The following STK3 variants were observed in gnomAD, a reference collection of about 807,000 sequenced individuals.
STK3 encodes the protein serine/threonine-protein kinase 3.
STK3 carries 41 observed loss-of-function variants against 58.0 expected under a neutral mutation model. The ratio of observed to expected loss-of-function variants is 0.71; its 90% CI spans 0.55 to 0.92. STK3 has a LOEUF of 0.92. Among genes scored for constraint, STK3 ranks in the 40% least tolerant of loss-of-function variants. STK3 has a pLI of 0.00. For synonymous variants in STK3, 170 were observed against 191.0 expected, an observed-to-expected ratio of 0.89 and a Z score of 0.91; for missense variants, 479 against 602.7, an observed-to-expected ratio of 0.79 and a Z score of 2.15.
intron 1 of STK3, among the ~76,000 whole-genome samples, chr8:98,938,346 G>C (rs1840271164): frequency 1.3e-5 from 2 of 152,182 alleles, no homozygotes; most frequent in Admixed American, 1.3e-4. Flanking sequence ...TAGAGAGAAA[G>C]TGCAAAGTGA....
At chr8:98,360,999 C>A in the STK3 span, among the ~76,000 whole-genome samples, 1 of 152,354 alleles carries the variant, frequency 6.6e-6, no homozygotes, top group East Asian at 1.9e-4. Flanking sequence ...CCAAGCTCCA[C>A]AGGACACAAA....
chr8:98,550,427 A>G (rs1811065371), intron 8 of STK3, among the ~76,000 whole-genome samples: 1 of 152,164 alleles, frequency 6.6e-6, no homozygotes, highest in Non-Finnish European at 1.5e-5. Flanking sequence ...GTCCCAAATC[A>G]GATATTATTT....
At chr8:98,514,500 A>T (rs80125087) in intron 10 of STK3, among the ~76,000 whole-genome samples, 5,058 of 152,046 alleles carry the variant, frequency 0.033, 120 homozygotes, top group East Asian at 0.077. Context: ...TTTAAGTTCA[A>T]GCATAGACTG....
chr8:98,466,963 G>T (rs990485886), intron 10 of STK3, among the ~76,000 whole-genome samples: 1 of 152,108 alleles, frequency 6.6e-6, no homozygotes, highest in Admixed American at 6.5e-5. Context: ...TATCCCGCAG[G>T]CCTCGGCTCT....
chr8:98,444,378 A>G (rs1348241375), intron 1 of STK3, among the ~76,000 whole-genome samples: 1 of 152,126 alleles, frequency 6.6e-6, no homozygotes, highest in Non-Finnish European at 1.5e-5. Flanking sequence ...CCTGCATGTG[A>G]TGGAAATTCA....
chr8:98,408,540 C>T (rs1818022050), intron 3 of STK3, among the ~76,000 whole-genome samples: 1 of 152,160 alleles, frequency 6.6e-6, no homozygotes, highest in Admixed American at 6.5e-5. Context: ...GACTCAAACG[C>T]ACAACAATTT....
chr8:98,422,710 C>G (rs1310698636), intron 3 of STK3, among the ~76,000 whole-genome samples: 2 of 152,204 alleles, frequency 1.3e-5, no homozygotes, highest in Non-Finnish European at 2.9e-5. Context: ...AGACCTGGGG[C>G]AGTGGGTGGG....
chr8:98,439,869 G>T (rs1818628023), intron 1 of STK3, among the ~76,000 whole-genome samples: 1 of 152,198 alleles, frequency 6.6e-6, no homozygotes, highest in Non-Finnish European at 1.5e-5. Flanking sequence ...AATGAAGCTG[G>T]CAGCGCATGT....
chr8:98,895,128 T>A (rs1436086147), intron 1 of STK3, among the ~76,000 whole-genome samples: 1 of 152,168 alleles, frequency 6.6e-6, no homozygotes, highest in Non-Finnish European at 1.5e-5. Context: ...GACACAGATG[T>A]TTATCTGCTC....
At chr8:98,566,094 TCAA>T (rs953461054) in intron 8 of STK3, among the ~76,000 whole-genome samples, 4 of 152,162 alleles carry the variant, frequency 2.6e-5, no homozygotes, top group African/African-American at 7.2e-5. Context: ...TGTCAATTTG[TCAA>T]GATACATTCT....
the STK3 span, among the ~76,000 whole-genome samples, chr8:98,364,541 G>A: frequency 6.6e-6 from 1 of 152,180 alleles, no homozygotes; most frequent in South Asian, 2.1e-4. Flanking sequence ...CTGTCCAAGG[G>A]CAGCATGCCC....
At chr8:98,588,340 T>C (rs1330059926) in intron 7 of STK3, among the ~76,000 whole-genome samples, 2 of 151,868 alleles carry the variant, frequency 1.3e-5, no homozygotes, top group African/African-American at 4.8e-5. Flanking sequence ...AAGGATTTTA[T>C]TTCTCCTTCA....
At chr8:98,804,019 T>C (rs1365516210) in intron 1 of STK3, among the ~76,000 whole-genome samples, 1 of 152,156 alleles carries the variant, frequency 6.6e-6, no homozygotes, top group South Asian at 2.1e-4. Flanking sequence ...CTTTTTTTTT[T>C]GAGACAGAGT....
rs181624398 is a variant in STK3, at chr8:98,795,537, G to T, written c.27-20718C>A. Among the ~76,000 whole-genome samples, 15 of 152,116 alleles carry T rather than the reference G, an allele frequency of 9.9e-5. No individual in the cohort carries two copies. In the East Asian group the frequency reaches 2.9e-3, roughly 29 times the overall value. On this transcript the variant is annotated intron_variant, in intron 1 of 10. Transcript: ENST00000419617. ...ATTGAACACAGTACTGGAAGTCCTT[G>T]CCAGAACAATAAGGCAAAAGAAAGA...
At chr8:98,612,104 A>G (rs1456169140) in intron 6 of STK3, among the ~76,000 whole-genome samples, 1 of 149,906 alleles carries the variant, frequency 6.7e-6, no homozygotes. Context: ...GTATGTCACT[A>G]TATTTTATAT....
At chr8:98,570,131 C>CAG (rs891126947) in intron 8 of STK3, among the ~76,000 whole-genome samples, 15 of 146,866 alleles carry the variant, frequency 1.0e-4, no homozygotes, top group South Asian at 2.1e-4. Flanking sequence ...TCTTTTTAGA[C>CAG]AGAGAGAGAG....
At chr8:98,931,201 G>T (rs989027004) in intron 1 of STK3, among the ~76,000 whole-genome samples, 2 of 152,140 alleles carry the variant, frequency 1.3e-5, no homozygotes, top group African/African-American at 4.8e-5. Flanking sequence ...AAGTAGTTCT[G>T]CTTGTATAGG....
At chr8:98,928,209 C>T (rs776388202) in intron 1 of STK3, among the ~76,000 whole-genome samples, 2 of 152,198 alleles carry the variant, frequency 1.3e-5, no homozygotes, top group South Asian at 2.1e-4. Flanking sequence ...CTTCAGTTGA[C>T]GGTCTATAAA....
chr8:98,656,701 T>A (rs1364631523), intron 6 of STK3, among the ~76,000 whole-genome samples: 1 of 152,124 alleles, frequency 6.6e-6, no homozygotes, highest in Non-Finnish European at 1.5e-5. Context: ...TCTTATTTAG[T>A]ATGCTTCCAG....
Sources: gnomAD v4.1 joint callset for allele counts (sites outside exome capture counted in the v4.1 genomes callset) on GRCh38, gnomAD v4.1.1 for gene constraint, MANE v1.5 for transcripts, NCBI Gene and HGNC (gene_info 2026-07-23, HGNC 2026-07-21) for gene names.